OPCML: variants seen among roughly 807,000 people sequenced by gnomAD.
The protein encoded by OPCML is opioid-binding protein/cell adhesion molecule.
In OPCML, 13 loss-of-function variants were observed where a neutral mutation model predicts 37.8. The ratio of observed to expected loss-of-function variants is 0.34; its 90% CI spans 0.22 to 0.55. OPCML has a LOEUF of 0.55. OPCML is among the 20% of genes least tolerant of loss of function. The probability of loss-of-function intolerance (pLI) is 0.91; values close to 1 mark genes in which losing one functional copy is unlikely to be tolerated. For missense variants in OPCML, 341 were observed against 435.6 expected (o/e 0.78, Z 1.93); for synonymous variants, 176 against 168.8 (o/e 1.04, Z -0.33).
intron 1 of OPCML, among the ~76,000 whole-genome samples, chr11:133,053,441 A>G (rs1246401475): frequency 2.0e-5 from 3 of 152,054 alleles, no homozygotes; most frequent in Non-Finnish European, 4.4e-5. Context: ...AAGATCACAT[A>G]TGCTCTCTGA....
intron 2 of OPCML, among the ~76,000 whole-genome samples, chr11:132,849,069 A>G (rs1265236684): frequency 1.3e-5 from 2 of 152,212 alleles, no homozygotes; most frequent in Non-Finnish European, 2.9e-5. Context: ...TAGGATCAGA[A>G]CTTCTTAGGC....
intron 4 of OPCML, among the ~76,000 whole-genome samples, chr11:132,478,005 G>T (rs1161489744): frequency 6.6e-6 from 1 of 152,092 alleles, no homozygotes; most frequent in South Asian, 2.1e-4. Flanking sequence ...TATATGGAGG[G>T]TTTTCAAGTA....
chr11:132,637,818 T>A (rs2135713056), intron 3 of OPCML, among the ~76,000 whole-genome samples: 1 of 152,254 alleles, frequency 6.6e-6, no homozygotes, highest in Middle Eastern at 3.4e-3. Flanking sequence ...TCACACTGAT[T>A]GATCACGTGC....
chr11:132,913,972 A>G (rs1490795060), intron 2 of OPCML, among the ~76,000 whole-genome samples: 2 of 152,184 alleles, frequency 1.3e-5, no homozygotes, highest in South Asian at 2.1e-4. Context: ...TGCTATTGGC[A>G]TAACATCCTA....
intron 1 of OPCML, among the ~76,000 whole-genome samples, chr11:133,443,405 C>T (rs1285881659): frequency 6.6e-6 from 1 of 152,204 alleles, no homozygotes; most frequent in Non-Finnish European, 1.5e-5. Context: ...ATCAAGCTGC[C>T]TCCTTAACAC....
intron 2 of OPCML, among the ~76,000 whole-genome samples, chr11:132,709,169 C>G (rs1372974032): frequency 6.6e-6 from 1 of 152,158 alleles, no homozygotes; most frequent in Non-Finnish European, 1.5e-5. Context: ...TTGTGGAACA[C>G]CTTTCACTTG....
chr11:133,168,276 G>C (rs184555535), intron 1 of OPCML, among the ~76,000 whole-genome samples: 1 of 152,328 alleles, frequency 6.6e-6, no homozygotes, highest in South Asian at 2.1e-4. Context: ...GAATGAGACT[G>C]CTTTGCTGCT....
intron 1 of OPCML, among the ~76,000 whole-genome samples, chr11:133,235,435 T>TA (rs1940470281): frequency 6.6e-6 from 1 of 151,134 alleles, no homozygotes; most frequent in Non-Finnish European, 1.5e-5. Context: ...GGCAGGGAAA[T>TA]AAAATACAAG....
At chr11:133,011,705 A>G (rs1435865940) in intron 1 of OPCML, among the ~76,000 whole-genome samples, 1 of 152,128 alleles carries the variant, frequency 6.6e-6, no homozygotes, top group African/African-American at 2.4e-5. Flanking sequence ...TTATGGGGTA[A>G]AGCGGGAAGA....
intron 3 of OPCML, 130 bp downstream of exon 3, chr11:132,656,957 T>C (rs1391212208): frequency 2.1e-6 from 3 of 1,453,646 alleles, no homozygotes; most frequent in African/African-American, 2.8e-5. Context: ...CCAAGACATA[T>C]AGTCAAACTC....
At chr11:132,681,996 A>G (rs1942966561) in intron 2 of OPCML, among the ~76,000 whole-genome samples, 1 of 151,628 alleles carries the variant, frequency 6.6e-6, no homozygotes, top group Non-Finnish European at 1.5e-5. Context: ...TGAGCTGTCT[A>G]ACAATTAAGC....
At chr11:133,382,031 C>T (rs536730756) in intron 1 of OPCML, among the ~76,000 whole-genome samples, 1 of 152,212 alleles carries the variant, frequency 6.6e-6, no homozygotes, top group Non-Finnish European at 1.5e-5. Flanking sequence ...AGAACCAAGG[C>T]AAGTGCCAGG....
At chr11:132,690,450 C>T (rs1191715721) in intron 2 of OPCML, among the ~76,000 whole-genome samples, 2 of 152,202 alleles carry the variant, frequency 1.3e-5, no homozygotes, top group African/African-American at 4.8e-5. Flanking sequence ...TCTCCGAGTG[C>T]CTATTTGTAT....
chr11:132,625,259 C>A (rs1460134907), intron 3 of OPCML, among the ~76,000 whole-genome samples: 1 of 152,086 alleles, frequency 6.6e-6, no homozygotes, highest in Non-Finnish European at 1.5e-5. Context: ...TTTTGCAGAT[C>A]AGGTTAAGTT....
chr11:132,490,063 G>A (rs2096211126), intron 4 of OPCML, among the ~76,000 whole-genome samples: 2 of 151,954 alleles, frequency 1.3e-5, no homozygotes, highest in East Asian at 1.9e-4. Context: ...GTGTATATGT[G>A]CCACATTTTC....
At chr11:132,474,798 C>T (rs953576892) in intron 4 of OPCML, among the ~76,000 whole-genome samples, 5 of 152,168 alleles carry the variant, frequency 3.3e-5, no homozygotes, top group Non-Finnish European at 7.4e-5. Context: ...ATATCTGGTT[C>T]CTGTGGGCCT....
chr11:132,741,102 C>T (rs997255202), intron 2 of OPCML, among the ~76,000 whole-genome samples: 2 of 152,124 alleles, frequency 1.3e-5, no homozygotes, highest in Non-Finnish European at 2.9e-5. Context: ...ATAACTGATA[C>T]TACCTAAGGA....
At chr11:133,156,204 AATCCC>A (rs1950059966) in intron 1 of OPCML, among the ~76,000 whole-genome samples, 1 of 152,182 alleles carries the variant, frequency 6.6e-6, no homozygotes, top group African/African-American at 2.4e-5. Flanking sequence ...ATCCTTATCT[AATCCC>A]CACCCTCTTA....
At chr11:133,372,663 C>T (rs1944698843) in intron 1 of OPCML, among the ~76,000 whole-genome samples, 1 of 152,170 alleles carries the variant, frequency 6.6e-6, no homozygotes, top group African/African-American at 2.4e-5. Flanking sequence ...CAATAAAGCA[C>T]TTCACAGGTA....
Sources: gnomAD v4.1 joint callset for allele counts (sites outside exome capture counted in the v4.1 genomes callset) on GRCh38, gnomAD v4.1.1 for gene constraint, MANE v1.5 for transcripts, NCBI Gene and HGNC (gene_info 2026-07-23, HGNC 2026-07-21) for gene names.